The following PABPC4L variants were observed in gnomAD, a reference collection of about 807,000 sequenced individuals.
The protein encoded by PABPC4L is polyadenylate-binding protein 4-like.
For synonymous variants in PABPC4L, 169 were observed against 164.1 expected (o/e 1.03, Z -0.23); for missense variants, 452 against 451.4 (o/e 1.00, Z -0.01).
the PABPC4L span, among the ~76,000 whole-genome samples, chr4:134,034,049 A>T: frequency 6.6e-6 from 1 of 151,924 alleles, no homozygotes; most frequent in Non-Finnish European, 1.5e-5. Context: ...GTTTCAAGGG[A>T]CAGATTAACT....
chr4:134,076,061 C>T, the PABPC4L span, among the ~76,000 whole-genome samples: 3 of 150,846 alleles, frequency 2.0e-5, no homozygotes, highest in Admixed American at 6.6e-5. Context: ...AGCTACAACA[C>T]ACACTACCTT....
chr4:134,001,492 T>G, the PABPC4L span, among the ~76,000 whole-genome samples: 1 of 152,238 alleles, frequency 6.6e-6, no homozygotes, highest in East Asian at 1.9e-4. Flanking sequence ...AGCAGGACTT[T>G]ACTAGTATTA....
the PABPC4L span, among the ~76,000 whole-genome samples, chr4:134,096,660 T>A: frequency 1.3e-5 from 2 of 151,996 alleles, no homozygotes; most frequent in Non-Finnish European, 2.9e-5. Context: ...ATGTTTCCCA[T>A]GAAATATTAG....
the PABPC4L span, among the ~76,000 whole-genome samples, chr4:133,966,588 A>T: frequency 1.3e-5 from 2 of 152,216 alleles, no homozygotes; most frequent in African/African-American, 4.8e-5. Flanking sequence ...GGATAAAGAA[A>T]CTGTGGTATA....
chr4:134,002,733 A>G, the PABPC4L span, among the ~76,000 whole-genome samples: 1 of 152,038 alleles, frequency 6.6e-6, no homozygotes, highest in Non-Finnish European at 1.5e-5. Context: ...GATATGAGGC[A>G]GGCAAAGAAT....
At chr4:133,966,564 A>G in the PABPC4L span, among the ~76,000 whole-genome samples, 1 of 152,246 alleles carries the variant, frequency 6.6e-6, no homozygotes, top group African/African-American at 2.4e-5. Flanking sequence ...CCAAATGCCC[A>G]TCAATAAACT....
the PABPC4L span, among the ~76,000 whole-genome samples, chr4:134,152,452 C>G: frequency 6.6e-6 from 1 of 152,230 alleles, no homozygotes; most frequent in South Asian, 2.1e-4. Flanking sequence ...CTCCACTAAG[C>G]AAAGCCCTGG....
Position 134,198,113 on chromosome 4 carries a change from C to T in PABPC4L, c.*1794G>A, listed in dbSNP as rs1729723078. ...ATTTTGGTACAGTCATTGAACAAAA[C>T]ATAAAAGTCACTCAGATTATAAGAC... On this transcript the variant is annotated 3_prime_UTR_variant, in exon 2 of 2. Coordinates refer to ENST00000421491, the MANE Select transcript of PABPC4L (RefSeq NM_001114734.2). 6.6e-6 allele frequency: 1 copy of T among 151,594 alleles called. No homozygotes were observed. Among genetic ancestry groups the T allele is most frequent in the Non-Finnish European group, 1.5e-5 (1 of 67,616 alleles). 9.4% of individuals were successfully genotyped at this position (151,594 alleles called of 1,614,324 possible). A position where few individuals can be genotyped will look rare whatever the true frequency, so the allele number is the denominator to read the frequency against.
the PABPC4L span, among the ~76,000 whole-genome samples, chr4:134,127,500 C>T: frequency 1.3e-5 from 2 of 152,056 alleles, no homozygotes; most frequent in African/African-American, 2.4e-5. Context: ...CTCCCCATTA[C>T]CAGTTCAGAA....
At chr4:134,126,634 T>G in the PABPC4L span, among the ~76,000 whole-genome samples, 28 of 152,124 alleles carry the variant, frequency 1.8e-4, no homozygotes, top group Non-Finnish European at 3.8e-4. Flanking sequence ...CCTATAAAAC[T>G]TCCAAATTGT....
chr4:134,053,053 A>G, the PABPC4L span, among the ~76,000 whole-genome samples: 3 of 152,084 alleles, frequency 2.0e-5, no homozygotes, highest in Admixed American at 2.0e-4. Flanking sequence ...GCTAAATAAC[A>G]TGTATTATAG....
the PABPC4L span, among the ~76,000 whole-genome samples, chr4:134,008,157 A>G: frequency 6.6e-6 from 1 of 151,828 alleles, no homozygotes; most frequent in African/African-American, 2.4e-5. Context: ...TTTTGTTTCA[A>G]ATAAAATCTT....
the PABPC4L span, among the ~76,000 whole-genome samples, chr4:134,130,040 G>C: frequency 6.7e-6 from 1 of 150,362 alleles, no homozygotes; most frequent in Non-Finnish European, 1.5e-5. Flanking sequence ...ACTCCAGCCT[G>C]GGTGACAGAG....
chr4:134,055,491 C>A, the PABPC4L span, among the ~76,000 whole-genome samples: 1 of 151,964 alleles, frequency 6.6e-6, no homozygotes, highest in Non-Finnish European at 1.5e-5. Flanking sequence ...GCACCTAAAT[C>A]TTGGACATCT....
chr4:134,065,041 G>A, the PABPC4L span, among the ~76,000 whole-genome samples: 3 of 152,026 alleles, frequency 2.0e-5, no homozygotes, highest in African/African-American at 7.2e-5. Flanking sequence ...ATTGTGAATA[G>A]TGCAGTGATG....
At chr4:133,954,286 T>C in the PABPC4L span, among the ~76,000 whole-genome samples, 3 of 152,200 alleles carry the variant, frequency 2.0e-5, no homozygotes, top group Non-Finnish European at 4.4e-5. Flanking sequence ...CGCTCTTTAC[T>C]ACGCTCTTTT....
the PABPC4L span, among the ~76,000 whole-genome samples, chr4:134,082,737 C>T: frequency 2.0e-5 from 3 of 151,936 alleles, no homozygotes; most frequent in Non-Finnish European, 4.4e-5. Flanking sequence ...CTCAACCTTA[C>T]ATCATTAGCA....
the PABPC4L span, among the ~76,000 whole-genome samples, chr4:134,112,574 C>A: frequency 2.3e-5 from 1 of 43,076 alleles, no homozygotes; most frequent in Non-Finnish European, 4.9e-5. Flanking sequence ...ACGTAACTAT[C>A]TATCTATCTA....
the PABPC4L span, among the ~76,000 whole-genome samples, chr4:134,033,479 G>A: frequency 7.2e-5 from 11 of 151,880 alleles, no homozygotes; most frequent in African/African-American, 2.7e-4. Context: ...AGAAAGGCAT[G>A]TAAAAAGCCA....
Sources: gnomAD v4.1 joint callset for allele counts (sites outside exome capture counted in the v4.1 genomes callset) on GRCh38, gnomAD v4.1.1 for gene constraint, MANE v1.5 for transcripts, NCBI Gene and HGNC (gene_info 2026-07-23, HGNC 2026-07-21) for gene names.